The following ADAMTS12 variants were observed in gnomAD, a reference collection of about 807,000 sequenced individuals.
ADAMTS12 encodes ADAM metallopeptidase with thrombospondin type 1 motif 12, also known as A disintegrin and metalloproteinase with thrombospondin motifs 12.
ADAMTS12 carries 118 observed loss-of-function variants against 167.8 expected under a neutral mutation model. The observed-to-expected ratio is 0.70, with a 90% confidence interval of 0.61 to 0.82. The LOEUF (loss-of-function observed/expected upper bound fraction) is 0.82. ADAMTS12 is among the 40% of genes least tolerant of loss of function. ADAMTS12 has a pLI of 0.00. For missense variants in ADAMTS12, 1,916 were observed against 1,998.8 expected (o/e 0.96, Z 0.79); for synonymous variants, 704 against 716.9 (o/e 0.98, Z 0.29).
chr5:33,564,737 C>A (rs1745927606), intron 19 of ADAMTS12, among the ~76,000 whole-genome samples: 1 of 152,200 alleles, frequency 6.6e-6, no homozygotes, highest in South Asian at 2.1e-4. Context: ...TGTCATGGGA[C>A]TTTTATCATT....
chr5:33,740,885 C>T (rs1487789149), intron 3 of ADAMTS12, among the ~76,000 whole-genome samples: 3 of 152,200 alleles, frequency 2.0e-5, no homozygotes, highest in Non-Finnish European at 2.9e-5. Flanking sequence ...AGTGAGGCCA[C>T]GTCCCAGGCC....
intron 20 of ADAMTS12, among the ~76,000 whole-genome samples, chr5:33,553,993 C>G (rs1206632739): frequency 6.6e-6 from 1 of 152,150 alleles, no homozygotes; most frequent in Non-Finnish European, 1.5e-5. Context: ...GTATCTCTAC[C>G]CTAAGTGGTT....
chr5:33,736,615 A>G (rs1744384654), intron 3 of ADAMTS12, among the ~76,000 whole-genome samples: 1 of 152,222 alleles, frequency 6.6e-6, no homozygotes, highest in African/African-American at 2.4e-5. Context: ...ATGTTTACAG[A>G]ATGGGCAGTG....
intron 3 of ADAMTS12, among the ~76,000 whole-genome samples, chr5:33,704,319 A>G (rs980656163): frequency 6.6e-6 from 1 of 152,212 alleles, no homozygotes; most frequent in African/African-American, 2.4e-5. Context: ...GGGAAAGCAG[A>G]TATCTCTTGA....
At chr5:33,533,867 T>A (rs185040426) in intron 23 of ADAMTS12, among the ~76,000 whole-genome samples, 1 of 152,294 alleles carries the variant, frequency 6.6e-6, no homozygotes, top group African/African-American at 2.4e-5. Context: ...TTGGGCTTCC[T>A]CTCTCAGTGC....
intron 14 of ADAMTS12, among the ~76,000 whole-genome samples, chr5:33,620,746 C>A (rs982612832): frequency 6.6e-6 from 1 of 152,170 alleles, no homozygotes; most frequent in South Asian, 2.1e-4. Context: ...ATATTTTATG[C>A]ACTCATGGCA....
chr5:33,556,764 A>G (rs535019157), intron 20 of ADAMTS12, among the ~76,000 whole-genome samples: 1 of 152,358 alleles, frequency 6.6e-6, no homozygotes, highest in East Asian at 1.9e-4. Context: ...CGGCTCACTC[A>G]TGCCCAGAGA....
At chr5:33,682,524 A>G (rs1742162286) in intron 5 of ADAMTS12, among the ~76,000 whole-genome samples, 1 of 152,256 alleles carries the variant, frequency 6.6e-6, no homozygotes, top group South Asian at 2.1e-4. Flanking sequence ...ATTAAGACTT[A>G]CATATTAAGT....
At chr5:33,595,840 C>T (rs952202303) in intron 17 of ADAMTS12, 94 bp downstream of exon 17, 8 of 1,527,576 alleles carry the variant, frequency 5.2e-6, no homozygotes, top group Non-Finnish European at 6.2e-6. Flanking sequence ...AACAAAACCA[C>T]ACAATATTTC....
chr5:33,706,540 G>A (rs1237506832), intron 3 of ADAMTS12, among the ~76,000 whole-genome samples: 2 of 152,234 alleles, frequency 1.3e-5, no homozygotes. Context: ...TTGGGCCTAT[G>A]TGTGTCTTTG....
intron 19 of ADAMTS12, among the ~76,000 whole-genome samples, chr5:33,563,898 C>T (rs1466950143): frequency 1.3e-5 from 2 of 152,182 alleles, no homozygotes; most frequent in Non-Finnish European, 2.9e-5. Context: ...TTATCATCAT[C>T]CTCATTTCAT....
At position 33,530,086 on chromosome 5, in the gene ADAMTS12, A is replaced by AT. The variant is rs35615625; in HGVS notation, c.4607-2721dup. Among the ~76,000 whole-genome samples, 136 of 149,616 alleles carry AT rather than the reference A, an allele frequency of 9.1e-4. 1 individual carries two copies. Among genetic ancestry groups the AT allele is most frequent in the Non-Finnish European group, 1.2e-3 (80 of 67,140 alleles). On this transcript the variant is annotated intron_variant, in intron 23 of 23. Transcript: ENST00000504830. ...AGGCATGTGCCACCATGCCCAGCTA[A>AT]TTTTTTTTTTTGTATATTTAGTAGA...
At chr5:33,656,827 G>A (rs918281598) in intron 7 of ADAMTS12, among the ~76,000 whole-genome samples, 5 of 152,090 alleles carry the variant, frequency 3.3e-5, no homozygotes, top group Admixed American at 1.3e-4. Flanking sequence ...TTTTATTATC[G>A]ACATGCCAAC....
intron 2 of ADAMTS12, among the ~76,000 whole-genome samples, chr5:33,800,522 T>A (rs1370486315): frequency 2.6e-5 from 4 of 152,250 alleles, no homozygotes; most frequent in Non-Finnish European, 5.9e-5. Flanking sequence ...CTACTATTTA[T>A]TTCTACGACA....
At chr5:33,644,805 A>C (rs1405516642) in intron 9 of ADAMTS12, among the ~76,000 whole-genome samples, 1 of 151,108 alleles carries the variant, frequency 6.6e-6, no homozygotes, top group Non-Finnish European at 1.5e-5. Flanking sequence ...ATCTCGGCTC[A>C]CTGCAAGCTC....
intron 9 of ADAMTS12, among the ~76,000 whole-genome samples, chr5:33,647,381 C>T (rs1051362485): frequency 7.9e-5 from 12 of 152,062 alleles, no homozygotes; most frequent in Admixed American, 1.3e-4. Flanking sequence ...TGAGGGGAAG[C>T]GTTCAGATTC....
At chr5:33,689,968 A>G (rs1742492987) in intron 3 of ADAMTS12, among the ~76,000 whole-genome samples, 2 of 152,222 alleles carry the variant, frequency 1.3e-5, no homozygotes, top group African/African-American at 4.8e-5. Flanking sequence ...CCACCAGCTG[A>G]CACCATATCT....
intron 2 of ADAMTS12, among the ~76,000 whole-genome samples, chr5:33,775,104 T>C (rs1729880997): frequency 6.6e-6 from 1 of 152,138 alleles, no homozygotes; most frequent in Admixed American, 6.5e-5. Context: ...TGTGACAGTG[T>C]TTGGGAACCA....
At chr5:33,590,861 G>C (rs902769263) in intron 17 of ADAMTS12, among the ~76,000 whole-genome samples, 2 of 149,338 alleles carry the variant, frequency 1.3e-5, no homozygotes, top group African/African-American at 4.9e-5. Context: ...CTTAGTCTTA[G>C]TCTCACAAGA....
Sources: gnomAD v4.1 joint callset for allele counts (sites outside exome capture counted in the v4.1 genomes callset) on GRCh38, gnomAD v4.1.1 for gene constraint, MANE v1.5 for transcripts, NCBI Gene and HGNC (gene_info 2026-07-23, HGNC 2026-07-21) for gene names.